Variants in ERICH3 observed in about 807,000 individuals in gnomAD.
ERICH3 encodes glutamate-rich protein 3.
Under a neutral mutation model 131.1 loss-of-function variants are expected in ERICH3, and 126 were observed. The observed-to-expected ratio is 0.96, with a 90% confidence interval of 0.83 to 1.11. The LOEUF is 1.11. Ranked by LOEUF, ERICH3 falls within the 50% of genes most tolerant of loss-of-function variation. The probability of loss-of-function intolerance (pLI) is 0.00; values close to 1 mark genes in which losing one functional copy is unlikely to be tolerated. For missense variants in ERICH3, 2,050 were observed against 1,810.7 expected (o/e 1.13, Z -2.40); for synonymous variants, 695 against 644.6 (o/e 1.08, Z -1.18).
intron 7 of ERICH3, chr1:74,624,631 A>T (rs1027542507): frequency 1.3e-5 from 2 of 152,142 alleles, no homozygotes; most frequent in African/African-American, 4.8e-5. Flanking sequence ...GATTTTCAGG[A>T]TCTCTCTCAC....
chr1:74,633,161 A>C (rs1646357118), intron 6 of ERICH3, among the ~76,000 whole-genome samples: 1 of 72,544 alleles, frequency 1.4e-5, no homozygotes, highest in South Asian at 3.8e-4. Context: ...TAGAAAGGAA[A>C]GTACTCTCCA....
In ERICH3 at chr1:74,589,647, A is replaced by G. The variant is rs888499709; in HGVS notation, c.2160T>C (p.Pro720=). 2.0e-5 allele frequency: 33 copies of G among 1,613,736 alleles called. No individual in the cohort carries two copies. The highest frequency in any genetic ancestry group is 2.5e-5 in the Non-Finnish European group (30 of 1,179,884). ...AQVKDKKAGL[P]GLEEGGKDSL... The stretch of plus-strand genomic sequence containing the variant: ...CATACTTACCACCTTCCTCCAACCC[A>G]GGGAGACCTGCCTTTTTGTCCTTCA... The change falls in exon 12 of 15, where the codon CCT becomes CCC. Residue 720 remains proline (P), a synonymous_variant. Transcript: ENST00000326665.
chr1:74,575,851 A>C, intron 13 of ERICH3, among the ~76,000 whole-genome samples: 1 of 152,272 alleles, frequency 6.6e-6, no homozygotes, highest in East Asian at 1.9e-4. Context: ...TAAGGGTGTC[A>C]GACATGACGT....
chr1:74,633,655 A>C (rs1399029137), intron 6 of ERICH3, among the ~76,000 whole-genome samples: 1 of 152,028 alleles, frequency 6.6e-6, no homozygotes, highest in Non-Finnish European at 1.5e-5. Context: ...ATAACATAAC[A>C]AGTTAAAACA....
At chr1:74,584,425 C>G (rs763139672) in intron 12 of ERICH3, among the ~76,000 whole-genome samples, 1 of 152,152 alleles carries the variant, frequency 6.6e-6, no homozygotes, top group African/African-American at 2.4e-5. Flanking sequence ...TACTTGTTTA[C>G]TAGACTCTGT....
chr1:74,641,746 C>A (rs139460819), intron 4 of ERICH3, among the ~76,000 whole-genome samples: 1 of 151,860 alleles, frequency 6.6e-6, no homozygotes, highest in African/African-American at 2.4e-5. Context: ...TTTACTACTG[C>A]GATCAGTAGA....
At chr1:74,659,588 C>T (rs1215468628) in intron 1 of ERICH3, among the ~76,000 whole-genome samples, 5 of 152,194 alleles carry the variant, frequency 3.3e-5, no homozygotes, top group Non-Finnish European at 7.3e-5. Context: ...AGTCCCTGCC[C>T]TGAAGGTACA....
intron 2 of ERICH3, among the ~76,000 whole-genome samples, chr1:74,647,005 G>C (rs1388699894): frequency 6.6e-6 from 1 of 150,488 alleles, no homozygotes; most frequent in Non-Finnish European, 1.5e-5. Flanking sequence ...AAGAGGGAGA[G>C]AAAGCATCAG....
In ERICH3 at chr1:74,572,414, T is replaced by G. The variant is rs182380383; in HGVS notation, c.3296A>C (p.Lys1099Thr). Residue 1099 changes from lysine to threonine, a missense_variant, in exon 14 of 15, where the codon AAA becomes ACA. By Grantham distance (78) the Lys-to-Thr change is moderately conservative. Coordinates refer to ENST00000326665, the MANE Select transcript of ERICH3 (RefSeq NM_001002912.5). ...TGTCTCTGTTTCCCCTTCTTCCGCT[T>G]TAAGTTTTTGCTCTTCTTTAAAAGC... ...EDAFKEEQKL[K>T]AEEGETETEV... 4.2e-5 allele frequency: 67 copies of G among 1,613,908 alleles called. No homozygotes were observed. The African/African-American group carries it at 8.7e-4, about 21-fold the overall frequency.
At chr1:74,611,271 C>T (rs1034841774) in intron 9 of ERICH3, among the ~76,000 whole-genome samples, 6 of 152,134 alleles carry the variant, frequency 3.9e-5, no homozygotes, top group African/African-American at 7.2e-5. Flanking sequence ...AATAAGTTAA[C>T]TGGACATCTT....
At chr1:74,633,218 G>T (rs543987892) in intron 6 of ERICH3, among the ~76,000 whole-genome samples, 2 of 151,856 alleles carry the variant, frequency 1.3e-5, no homozygotes, top group South Asian at 2.1e-4. Flanking sequence ...TAAATGAAGG[G>T]CATGGATAGC....
chr1:74,614,569 C>G (rs1223310673), intron 8 of ERICH3, among the ~76,000 whole-genome samples: 1 of 149,520 alleles, frequency 6.7e-6, no homozygotes. Flanking sequence ...CCCAGCTACT[C>G]GGGAGGCTGA....
At chr1:74,657,884 A>G (rs1339264910) in intron 1 of ERICH3, among the ~76,000 whole-genome samples, 1 of 152,206 alleles carries the variant, frequency 6.6e-6, no homozygotes, top group Non-Finnish European at 1.5e-5. Context: ...AGCTTGACAA[A>G]TATGCATTAA....
rs181766164 is a variant in ERICH3 at position 74,582,418 on chromosome 1, A to G, written c.2177-5482T>C. Reference sequence around the variant, plus strand: ...AAACACACTTTTTAAACTTTGTAAAACATTTAAACTGCTATTTTTATACTT... The same window carrying G: ...AAACACACTTTTTAAACTTTGTAAAGCATTTAAACTGCTATTTTTATACTT... On this transcript the variant is annotated intron_variant, in intron 12 of 14. Coordinates refer to ENST00000326665, the MANE Select transcript of ERICH3 (RefSeq NM_001002912.5). Among the ~76,000 whole-genome samples, 455 of 152,160 alleles carry G rather than the reference A, an allele frequency of 3.0e-3. 5 individuals are homozygous for G. The highest frequency in any genetic ancestry group is 0.01 in the African/African-American group (430 of 41,548).
chr1:74,581,327 C>A (rs1647173978), intron 12 of ERICH3, among the ~76,000 whole-genome samples: 1 of 152,066 alleles, frequency 6.6e-6, no homozygotes, highest in Non-Finnish European at 1.5e-5. Flanking sequence ...TTATACATTT[C>A]TTAAAGTCTG....
At chr1:74,592,851 T>C (rs1647672324) in intron 11 of ERICH3, among the ~76,000 whole-genome samples, 1 of 152,032 alleles carries the variant, frequency 6.6e-6, no homozygotes. Context: ...GGGTAAGACT[T>C]TGCCTATAAA....
intron 1 of ERICH3, among the ~76,000 whole-genome samples, chr1:74,667,641 A>G (rs956863281): frequency 2.0e-5 from 3 of 152,206 alleles, no homozygotes; most frequent in Non-Finnish European, 2.9e-5. Context: ...ATTGAATCAG[A>G]AGTTTTATTT....
At chr1:74,597,951 A>T (rs1371000919) in intron 11 of ERICH3, among the ~76,000 whole-genome samples, 1 of 151,986 alleles carries the variant, frequency 6.6e-6, no homozygotes, top group Non-Finnish European at 1.5e-5. Flanking sequence ...AACTCCTAAC[A>T]TCTAGTGAGA....
chr1:74,669,041 G>A (rs899898665), intron 1 of ERICH3, among the ~76,000 whole-genome samples: 5 of 151,024 alleles, frequency 3.3e-5, no homozygotes, highest in African/African-American at 1.2e-4. Flanking sequence ...AATGTGGTGG[G>A]TTTATCATTG....
Sources: allele counts gnomAD v4.1 joint callset (sites outside exome capture counted in the v4.1 genomes callset), GRCh38; gene constraint gnomAD v4.1.1; transcripts MANE v1.5; gene names NCBI Gene and HGNC (gene_info 2026-07-23, HGNC 2026-07-21).